Variants in KCNH7 observed in about 807,000 individuals in gnomAD.
The protein encoded by KCNH7 is voltage-gated inwardly rectifying potassium channel KCNH7.
In KCNH7, 49 loss-of-function variants were observed where a neutral mutation model predicts 120.8. The observed-to-expected ratio is 0.41, with a 90% CI of 0.32 to 0.51. The LOEUF (loss-of-function observed/expected upper bound fraction) is 0.51, where lower values mean the gene tolerates loss of function less well. Ranked by LOEUF, KCNH7 falls within the 20% of genes least tolerant of loss-of-function variation. The pLI is 0.38. For missense variants in KCNH7, 1,097 were observed against 1,446.6 expected (o/e 0.76, Z 3.92); for synonymous variants, 547 against 516.1 (o/e 1.06, Z -0.81).
At chr2:162,804,783 C>G (rs1684481100) in intron 2 of KCNH7, among the ~76,000 whole-genome samples, 1 of 143,826 alleles carries the variant, frequency 7.0e-6, no homozygotes, top group African/African-American at 2.5e-5. Flanking sequence ...AAAAAAGAGA[C>G]AAATAGCCAA....
intron 6 of KCNH7, among the ~76,000 whole-genome samples, chr2:162,459,399 T>C (rs142465885): frequency 2.5e-3 from 378 of 152,314 alleles, no homozygotes; most frequent in African/African-American, 8.6e-3. Flanking sequence ...TTTGTTGTTC[T>C]CCATTCCTAA....
At chr2:162,521,517 A>C (rs1691520907) in intron 3 of KCNH7, among the ~76,000 whole-genome samples, 1 of 151,894 alleles carries the variant, frequency 6.6e-6, no homozygotes, top group East Asian at 1.9e-4. Context: ...AAAATTTGAG[A>C]ATTTAAGAAG....
intron 2 of KCNH7, among the ~76,000 whole-genome samples, chr2:162,623,716 C>T (rs990790038): frequency 2.6e-5 from 4 of 152,238 alleles, no homozygotes; most frequent in African/African-American, 7.2e-5. Flanking sequence ...TACTACCTTA[C>T]GTACCTGTGA....
chr2:162,762,490 A>G (rs2105453570), intron 2 of KCNH7, among the ~76,000 whole-genome samples: 1 of 152,102 alleles, frequency 6.6e-6, no homozygotes, highest in South Asian at 2.1e-4. Flanking sequence ...ATTCTGATAC[A>G]ATTACCAGAT....
At chr2:162,682,043 C>T (rs867226964) in intron 2 of KCNH7, among the ~76,000 whole-genome samples, 14 of 151,268 alleles carry the variant, frequency 9.3e-5, no homozygotes, top group Middle Eastern at 3.4e-3. Flanking sequence ...TTTATTTTCA[C>T]GATTAGTTCA....
Position 162,504,546 on chromosome 2 carries a change from A to T in KCNH7, c.1025T>A (p.Val342Asp). Reference protein sequence around the residue: ...IPQLTLNFSEVKTEKKNSSPP... With the variant: ...IPQLTLNFSEDKTEKKNSSPP... ...TGATGAATTCTTTTTCTCAGTTTTG[A>T]CCTCTGAAAAATTCAGAGTGAGCTG... Residue 342 changes from valine (V) to aspartate (D), a missense_variant, in exon 6 of 16, where the codon GTC becomes GAC. Physicochemically the swap from Val to Asp is radical, Grantham distance 152. Around this residue, in one of 8 missense-constraint regions of KCNH7, gnomAD observed 362 missense variants for 372.2 expected, o/e 0.97. Coordinates refer to ENST00000332142, the MANE Select transcript of KCNH7 (RefSeq NM_033272.4). The T allele has an allele frequency of 6.2e-7, 1 of 1,612,444 alleles. No individual in the cohort carries two copies. The highest frequency in any genetic ancestry group is 8.5e-7 in the Non-Finnish European group (1 of 1,178,948).
At chr2:162,650,072 C>G (rs954794608) in intron 2 of KCNH7, among the ~76,000 whole-genome samples, 1 of 152,072 alleles carries the variant, frequency 6.6e-6, no homozygotes, top group Middle Eastern at 3.2e-3. Flanking sequence ...CTATTTAGCT[C>G]ATTGCTATTA....
chr2:162,543,334 A>G (rs1692376781), intron 2 of KCNH7, among the ~76,000 whole-genome samples: 1 of 151,976 alleles, frequency 6.6e-6, no homozygotes, highest in Non-Finnish European at 1.5e-5. Flanking sequence ...TTAAATTACA[A>G]CAATAGTGAA....
Position 162,747,123 on chromosome 2 carries a change from C to G in KCNH7, c.307+89414G>C, listed in dbSNP as rs568747308. On this transcript the variant is annotated intron_variant, in intron 2 of 15. Coordinates refer to ENST00000332142, the MANE Select transcript of KCNH7 (RefSeq NM_033272.4). ...CAGAATTTTAAACTTCAACTCCAGA[C>G]TGTAGCAGACTGAGTATTCCATTGA... Among the ~76,000 whole-genome samples the G allele has an allele frequency of 2.0e-5, 3 of 152,184 alleles. No individual in the cohort carries two copies. The East Asian group carries it at 5.8e-4, about 29-fold the overall frequency.
At chr2:162,804,757 A>G (rs1166969351) in intron 2 of KCNH7, among the ~76,000 whole-genome samples, 1 of 112,404 alleles carries the variant, frequency 8.9e-6, no homozygotes, top group African/African-American at 2.8e-5. Flanking sequence ...CTTAAAATTC[A>G]TATGGAACCA....
chr2:162,573,445 C>T (rs985309), intron 2 of KCNH7, among the ~76,000 whole-genome samples: 86,401 of 151,780 alleles, frequency 0.57, 25,245 homozygotes, highest in African/African-American at 0.68. Context: ...TTAAAATAAA[C>T]GAAGATCAGG....
chr2:162,456,999 T>A (rs1688984947), intron 6 of KCNH7, among the ~76,000 whole-genome samples: 1 of 152,140 alleles, frequency 6.6e-6, no homozygotes, highest in Non-Finnish European at 1.5e-5. Context: ...TTAATTTGTT[T>A]GAATTGGTCA....
At chr2:162,640,491 C>T (rs1027496504) in intron 2 of KCNH7, among the ~76,000 whole-genome samples, 1 of 149,422 alleles carries the variant, frequency 6.7e-6, no homozygotes, top group Non-Finnish European at 1.5e-5. Flanking sequence ...ATTGGACATC[C>T]CATATACATT....
At chr2:162,414,711 T>A (rs891814358) in intron 9 of KCNH7, among the ~76,000 whole-genome samples, 8 of 152,048 alleles carry the variant, frequency 5.3e-5, no homozygotes, top group Non-Finnish European at 1.0e-4. Flanking sequence ...AGGTAATAGA[T>A]AATGGGATGA....
At chr2:162,824,539 C>A (rs922601131) in intron 2 of KCNH7, among the ~76,000 whole-genome samples, 3 of 152,054 alleles carry the variant, frequency 2.0e-5, no homozygotes, top group African/African-American at 7.2e-5. Context: ...CTAGAAAGAT[C>A]AGATTACCAG....
At chr2:162,684,491 A>G (rs1685817839) in intron 2 of KCNH7, among the ~76,000 whole-genome samples, 1 of 152,206 alleles carries the variant, frequency 6.6e-6, no homozygotes, top group South Asian at 2.1e-4. Flanking sequence ...AAGAACTTAA[A>G]CAAATTTACA....
chr2:162,470,625 G>C (rs1689487037), intron 6 of KCNH7, among the ~76,000 whole-genome samples: 1 of 151,532 alleles, frequency 6.6e-6, no homozygotes, highest in Admixed American at 6.6e-5. Flanking sequence ...GGGAGGTGGG[G>C]GGGTCAGCCC....
chr2:162,698,735 A>C (rs957348909), intron 2 of KCNH7, among the ~76,000 whole-genome samples: 2 of 152,064 alleles, frequency 1.3e-5, no homozygotes, highest in African/African-American at 2.4e-5. Context: ...TAAAATGGAG[A>C]CCATAAGATA....
intron 2 of KCNH7, among the ~76,000 whole-genome samples, chr2:162,832,862 C>G (rs765851958): frequency 6.6e-6 from 1 of 152,128 alleles, no homozygotes; most frequent in Non-Finnish European, 1.5e-5. Context: ...TAATCAAAAT[C>G]TACCTCTGAA....
Sources: gnomAD v4.1 joint callset for allele counts (sites outside exome capture counted in the v4.1 genomes callset) on GRCh38, gnomAD v4.1.1 for gene constraint, gnomAD v4.1.1 regional missense constraint, MANE v1.5 for transcripts, NCBI Gene and HGNC (gene_info 2026-07-23, HGNC 2026-07-21) for gene names.